DIS3: variants seen among roughly 807,000 people sequenced by gnomAD.
The protein encoded by DIS3 is exosome complex exonuclease RRP44.
In DIS3, 103 loss-of-function variants were observed where a neutral mutation model predicts 113.0. The observed-to-expected ratio is 0.91, with a 90% CI of 0.78 to 1.07. The LOEUF is 1.07. DIS3 is among the 50% of genes least tolerant of loss of function. The pLI is 0.00. For missense variants in DIS3, 1,121 were observed against 1,167.1 expected, an observed-to-expected ratio of 0.96 and a Z score of 0.58; for synonymous variants, 402 against 394.3, an observed-to-expected ratio of 1.02 and a Z score of -0.23.
rs775627215 is a variant in DIS3, at chr13:72,776,038, G to A, written c.709C>T (p.Leu237=). 1 of 1,606,746 alleles carries A rather than the reference G, an allele frequency of 6.2e-7. No individual in the cohort carries two copies. Among genetic ancestry groups the A allele is most frequent in the South Asian group, 1.1e-5 (1 of 88,994 alleles). The change falls in exon 5 of 21, where the codon CTA becomes TTA. Residue 237 remains leucine (L), a synonymous_variant. Transcript: ENST00000377767. ...IFSEHLPLSK[L]QQGIKSGTYL... ...GTACCAGATTTTATGCCTTGCTGTA[G>A]CTTACTTAAGGGAAGATGCTCTGAA...
intron 4 of DIS3, among the ~76,000 whole-genome samples, chr13:72,776,420 A>T (rs1264054001): frequency 2.6e-5 from 4 of 152,200 alleles, no homozygotes; most frequent in Admixed American, 2.6e-4. Flanking sequence ...GTGGCTACAT[A>T]TTAGGGCAAT....
At chr13:72,771,020 G>C in intron 12 of DIS3, 32 bp from the exon 13 acceptor site, 1 of 1,606,098 alleles carries the variant, frequency 6.2e-7, no homozygotes. Context: ...ATTTGTTAAT[G>C]GGAATCAGGT....
In DIS3 at chr13:72,775,346, G is replaced by A; in HGVS notation, c.852C>T (p.Asn284=). 6.2e-7 allele frequency: 1 copy of A among 1,611,428 alleles called. No homozygotes were observed. The highest frequency in any genetic ancestry group is 8.5e-7 in the Non-Finnish European group (1 of 1,178,858). Residue 284 remains asparagine (N), a synonymous_variant, in exon 6 of 21, where the codon AAC becomes AAT. Transcript: ENST00000377767. ...EIILQGLKHL[N]RAVHEDIVAV... is the part of the protein sequence containing the mutation. ...CCACAATATCTTCGTGAACAGCTCT[G>A]TTTAAATGTTTAAGTCCCTGTAAGA...
intron 2 of DIS3, among the ~76,000 whole-genome samples, chr13:72,780,418 C>T (rs1406586995): frequency 1.3e-5 from 2 of 150,678 alleles, no homozygotes; most frequent in African/African-American, 4.9e-5. Flanking sequence ...TTTAAAAAGA[C>T]CATTAAGAAT....
In DIS3 at chr13:72,763,521, G is replaced by C; in HGVS notation, c.2057C>G (p.Ala686Gly). The change falls in exon 16 of 21, where the codon GCT (alanine) becomes GGT (glycine). Residue 686 changes from alanine to glycine, a missense_variant. Around this residue, in one of 3 missense-constraint regions of DIS3, gnomAD observed 861 missense variants for 915.5 expected, o/e 0.94. Coordinates refer to ENST00000377767, the MANE Select transcript of DIS3 (RefSeq NM_014953.5). ...TGGAGCAGGATGTTTTCGAAGCAGA[G>C]CATGTTCAGAAAATTCCTCATGAAT... is the stretch of plus-strand genomic sequence containing the variant. ...KKIHEEFSEH[A>G]LLRKHPAPPP... The C allele has an allele frequency of 6.2e-7, 1 of 1,613,824 alleles. No homozygotes were observed.
intron 14 of DIS3, among the ~76,000 whole-genome samples, chr13:72,767,427 T>G (rs150159404): frequency 6.6e-6 from 1 of 152,234 alleles, no homozygotes; most frequent in South Asian, 2.1e-4. Context: ...AATTATCTTC[T>G]TCTTATATAC....
At chr13:72,763,970 C>G (rs1288396289) in intron 15 of DIS3, among the ~76,000 whole-genome samples, 1 of 151,944 alleles carries the variant, frequency 6.6e-6, no homozygotes, top group Non-Finnish European at 1.5e-5. Flanking sequence ...GCCAACATGA[C>G]GAAACCCTGA....
intron 9 of DIS3, 66 bp downstream of exon 9, chr13:72,772,627 G>T: frequency 6.6e-7 from 1 of 1,508,058 alleles, no homozygotes; most frequent in South Asian, 1.4e-5. Context: ...AACACATATA[G>T]AAATTAAACA....
At chr13:72,780,160 T>C (rs1420708351) in intron 2 of DIS3, among the ~76,000 whole-genome samples, 1 of 151,596 alleles carries the variant, frequency 6.6e-6, no homozygotes, top group Non-Finnish European at 1.5e-5. Context: ...ACCCTGTCTC[T>C]ACTAAAAATA....
chr13:72,769,628 C>G (rs1181850644), intron 13 of DIS3, among the ~76,000 whole-genome samples: 1 of 151,780 alleles, frequency 6.6e-6, no homozygotes, highest in Non-Finnish European at 1.5e-5. Context: ...CTAAGAGTTT[C>G]CCCTCTGAAA....
intron 8 of DIS3, 139 bp from the exon 9 acceptor site, chr13:72,772,978 T>C: frequency 1.0e-6 from 1 of 959,586 alleles, no homozygotes; most frequent in East Asian, 2.8e-5. Flanking sequence ...GACCCTTTAG[T>C]AAATTAGACA....
intron 4 of DIS3, 61 bp downstream of exon 4, chr13:72,777,359 C>T: frequency 4.6e-6 from 7 of 1,516,314 alleles, no homozygotes; most frequent in South Asian, 2.3e-5. Flanking sequence ...AACTATATGC[C>T]TAATATTCCA....
intron 18 of DIS3, 50 bp from the exon 19 acceptor site, chr13:72,761,571 A>G (rs374723550): frequency 1.2e-5 from 19 of 1,524,016 alleles, no homozygotes; most frequent in Non-Finnish European, 1.6e-5. Context: ...ATTTTTAAAT[A>G]AACAAAAAAT....
rs778613801 is a variant in DIS3 at position 72,753,773 on chromosome 13, T to C, written c.*6022A>G. The C allele has an allele frequency of 6.2e-7, 1 of 1,613,552 alleles. No homozygotes were observed. The highest frequency in any genetic ancestry group is 1.3e-5 in the African/African-American group (1 of 75,022). On this transcript the variant is annotated 3_prime_UTR_variant, in exon 21 of 21. Coordinates refer to ENST00000377767, the MANE Select transcript of DIS3 (RefSeq NM_014953.5). Reference sequence around the variant, plus strand: ...CAGAAAGTTACTGCAAAGAAAGTGATGCACAAACATGTGAAGTTGAGAGTA... The same window carrying C: ...CAGAAAGTTACTGCAAAGAAAGTGACGCACAAACATGTGAAGTTGAGAGTA...
chr13:72,767,985 T>C (rs1455159247), intron 14 of DIS3, among the ~76,000 whole-genome samples: 1 of 152,204 alleles, frequency 6.6e-6, no homozygotes, highest in Non-Finnish European at 1.5e-5. Flanking sequence ...TTACGCCTTT[T>C]GTAGTTAGGC....
Position 72,777,456 on chromosome 13 carries a change from T to G in DIS3, c.618A>C (p.Glu206Asp), listed in dbSNP as rs773100291. ...ACAAACAAGCAAGACGATCTATGAG[T>G]TCGGGGTTAGCAGTTAGGCTCTTTA... is the stretch of plus-strand genomic sequence containing the variant. ...EYVKSLTANP[E>D]LIDRLACLSE... The change falls in exon 4 of 21, where the codon GAA becomes GAC. Residue 206 changes from glutamate to aspartate, a missense_variant. Transcript: ENST00000377767. The G allele has an allele frequency of 1.9e-6, 3 of 1,614,066 alleles. No homozygotes were observed. The highest frequency in any genetic ancestry group is 1.7e-6 in the Non-Finnish European group (2 of 1,179,980).
In DIS3 at chr13:72,759,561, A is replaced by T. The variant is rs1692199975; in HGVS notation, c.*234T>A. 9.7e-6 allele frequency: 4 copies of T among 413,514 alleles called. No homozygotes were observed. The South Asian group carries it at 1.1e-4, about 11-fold the overall frequency. 25.6% of individuals were successfully genotyped at this position (413,514 alleles called of 1,614,324 possible). ...AAGTTGCTGTCCTGTCACTGTATTTAAGTGATGGATATTCAATTGAATTAT... is the reference window on the plus strand; with the variant it reads ...AAGTTGCTGTCCTGTCACTGTATTTTAGTGATGGATATTCAATTGAATTAT... On this transcript the variant is annotated 3_prime_UTR_variant, in exon 21 of 21. Coordinates refer to ENST00000377767, the MANE Select transcript of DIS3 (RefSeq NM_014953.5).
chr13:72,759,986 G>A (rs1368374968), intron 20 of DIS3, 108 bp from the exon 21 acceptor site: 4 of 855,026 alleles, frequency 4.7e-6, no homozygotes, highest in South Asian at 1.6e-5. Context: ...AGGATGTAGT[G>A]GTAGGGAGGG....
chr13:72,761,720 T>C lies in DIS3; in HGVS notation c.2437A>G (p.Ile813Val). ...TGCCGGAAATTTAGATTTTTACATA[T>C]ATCTGCAAGCTTGTGTTTGTCTGTC... ...ELTDKHKLADICKNLNFRHKM... is the reference protein window; with the variant it reads ...ELTDKHKLADVCKNLNFRHKM... Residue 813 changes from isoleucine to valine, a missense_variant, in exon 18 of 21, where the codon ATA becomes GTA. Coordinates refer to ENST00000377767, the MANE Select transcript of DIS3 (RefSeq NM_014953.5). The C allele has an allele frequency of 5.6e-6, 9 of 1,613,758 alleles. No individual in the cohort carries two copies. The highest frequency in any genetic ancestry group is 7.6e-6 in the Non-Finnish European group (9 of 1,179,948).
Sources: gnomAD v4.1 joint callset for allele counts (sites outside exome capture counted in the v4.1 genomes callset) on GRCh38, gnomAD v4.1.1 for gene constraint, gnomAD v4.1.1 regional missense constraint, MANE v1.5 for transcripts, NCBI Gene and HGNC (gene_info 2026-07-23, HGNC 2026-07-21) for gene names.